The following MTR variants were observed in gnomAD, a reference collection of about 807,000 sequenced individuals.
The protein encoded by MTR is methionine synthase.
Under a neutral mutation model 154.8 loss-of-function variants are expected in MTR, and 84 were observed. That is an observed-to-expected ratio of 0.54 (90% CI 0.45 to 0.65). MTR has a LOEUF of 0.65. Ranked by LOEUF, MTR falls within the 30% of genes least tolerant of loss-of-function variation. The pLI, the probability that MTR is intolerant of heterozygous loss-of-function variation, is 0.00. For synonymous variants in MTR, 554 were observed against 553.9 expected, an observed-to-expected ratio of 1.00 and a Z score of 0.00; for missense variants, 1,275 against 1,570.2, an observed-to-expected ratio of 0.81 and a Z score of 3.18.
chr1:236,891,594 G>A (rs996081646), intron 29 of MTR, among the ~76,000 whole-genome samples: 2 of 152,162 alleles, frequency 1.3e-5, no homozygotes, highest in Non-Finnish European at 2.9e-5. Context: ...GAGGACCATT[G>A]CTGCTGTCTC....
chr1:236,886,131 C>T lies in MTR; in HGVS notation c.2776-161C>T, dbSNP rs138898322. Among the ~76,000 whole-genome samples the T allele has an allele frequency of 4.0e-3, 615 of 152,214 alleles. 9 individuals are homozygous for T. Among genetic ancestry groups the T allele is most frequent in the African/African-American group, 0.014 (595 of 41,512 alleles). Reference sequence around the variant, plus strand: ...TATTGTTCTGGTGCCAATGTGAAACCGACTGGGTAGAAAAGGAAGAGCTTT... The same window carrying T: ...TATTGTTCTGGTGCCAATGTGAAACTGACTGGGTAGAAAAGGAAGAGCTTT... On this transcript the variant is annotated intron_variant, in intron 26 of 32. Transcript: ENST00000366577.
At chr1:236,884,677 T>G (rs1665921689) in intron 25 of MTR, among the ~76,000 whole-genome samples, 2 of 152,160 alleles carry the variant, frequency 1.3e-5, no homozygotes. Context: ...CGTCCTGGGT[T>G]TTTATTGGGG....
intron 18 of MTR, among the ~76,000 whole-genome samples, chr1:236,858,849 A>G (rs1298467666): frequency 1.3e-5 from 2 of 152,100 alleles, no homozygotes; most frequent in South Asian, 2.1e-4. Context: ...GTGTGCCATG[A>G]TCATTGCGCT....
At chr1:236,893,414 G>A (rs778270933) in intron 29 of MTR, among the ~76,000 whole-genome samples, 5 of 152,176 alleles carry the variant, frequency 3.3e-5, no homozygotes, top group African/African-American at 7.2e-5. Context: ...ATATGTAGAC[G>A]CATGGGTTGT....
intron 18 of MTR, among the ~76,000 whole-genome samples, chr1:236,855,629 G>A (rs1214079440): frequency 6.6e-6 from 1 of 152,172 alleles, no homozygotes; most frequent in Non-Finnish European, 1.5e-5. Flanking sequence ...TTTCTCTGCA[G>A]CAGTTTACTC....
chr1:236,849,618 C>T (rs1003488653), intron 15 of MTR, among the ~76,000 whole-genome samples: 2 of 152,082 alleles, frequency 1.3e-5, no homozygotes, highest in South Asian at 2.1e-4. Flanking sequence ...GTAGGAGGTG[C>T]GGAGTAGAGG....
chr1:236,827,461 C>A (rs950156793), intron 11 of MTR, among the ~76,000 whole-genome samples: 1 of 152,108 alleles, frequency 6.6e-6, no homozygotes, highest in Non-Finnish European at 1.5e-5. Context: ...TTTCATCTAT[C>A]CCTCAACTTT....
At chr1:236,826,057 C>T (rs1382505347) in intron 10 of MTR, among the ~76,000 whole-genome samples, 2 of 152,178 alleles carry the variant, frequency 1.3e-5, no homozygotes, top group African/African-American at 4.8e-5. Context: ...TATGGTTAAA[C>T]TCTAGTCTCA....
Position 236,838,475 on chromosome 1 carries a change from A to G in MTR, c.1391A>G (p.Gln464Arg). The change falls in exon 15 of 33, where the codon CAA becomes CGA. Residue 464 changes from glutamine to arginine, a missense_variant. Physicochemically the swap from Gln to Arg is conservative, Grantham distance 43. Transcript: ENST00000366577. The part of the protein sequence containing the change: ...AVIEAGLKCC[Q>R]GKCIVNSISL... ...ATTGAAGCTGGGTTAAAGTGCTGCC[A>G]AGGGAAGTGCATTGTCAATAGCATT... 6.2e-7 allele frequency: 1 copy of G among 1,614,126 alleles called. No homozygotes were observed. Among genetic ancestry groups the G allele is most frequent in the Non-Finnish European group, 8.5e-7 (1 of 1,180,022 alleles).
intron 4 of MTR, among the ~76,000 whole-genome samples, chr1:236,809,885 TAAAG>T (rs1259240644): frequency 1.3e-5 from 2 of 152,220 alleles, no homozygotes; most frequent in Non-Finnish European, 2.9e-5. Context: ...GAAAAGTTAT[TAAAG>T]AAAGATTTGC....
intron 10 of MTR, 146 bp downstream of exon 10, chr1:236,825,545 T>G: frequency 1.2e-6 from 1 of 831,854 alleles, no homozygotes; most frequent in South Asian, 1.4e-5. Flanking sequence ...ATTAAGGTAC[T>G]AGAGGCACAG....
At chr1:236,854,071 A>G (rs1019025098) in intron 18 of MTR, among the ~76,000 whole-genome samples, 4 of 152,228 alleles carry the variant, frequency 2.6e-5, no homozygotes, top group Non-Finnish European at 5.9e-5. Context: ...AATGTTTTCC[A>G]TGTTAGAATC....
chr1:236,825,172 G>T (rs1447377130), intron 9 of MTR, among the ~76,000 whole-genome samples, 166 bp from the exon 10 acceptor site: 3 of 74,648 alleles, frequency 4.0e-5, no homozygotes, highest in Middle Eastern at 6.3e-3. Context: ...TTTTTGGGGG[G>T]TGTGGTATCT....
chr1:236,839,445 GAAAT>G (rs1283621220), intron 15 of MTR, among the ~76,000 whole-genome samples: 1 of 152,024 alleles, frequency 6.6e-6, no homozygotes, highest in African/African-American at 2.4e-5. Context: ...AAACATTAAA[GAAAT>G]AAAAAGTAAA....
chr1:236,804,303 C>T (rs1660853494), intron 2 of MTR, among the ~76,000 whole-genome samples: 1 of 152,194 alleles, frequency 6.6e-6, no homozygotes, highest in Non-Finnish European at 1.5e-5. Flanking sequence ...AAAAGAGGCT[C>T]AAGGGCGCTT....
chr1:236,853,149 A>G, intron 18 of MTR, 61 bp downstream of exon 18: 1 of 1,526,954 alleles, frequency 6.5e-7, no homozygotes, highest in Non-Finnish European at 9.1e-7. Context: ...TTACTCACCT[A>G]CAGTTAGTAG....
chr1:236,858,704 G>A (rs1379372009), intron 18 of MTR, among the ~76,000 whole-genome samples: 4 of 152,148 alleles, frequency 2.6e-5, no homozygotes, highest in South Asian at 2.1e-4. Flanking sequence ...GTTTTGAGGT[G>A]TAATCATTAG....
rs1666818449 is a variant in MTR at position 236,899,191 on chromosome 1, G to A, written c.*1547G>A. 6.6e-6 allele frequency: 1 copy of A among 152,166 alleles called. No homozygotes were observed. The highest frequency in any genetic ancestry group is 2.1e-4 in the South Asian group (1 of 4,820). 9.4% of individuals were successfully genotyped at this position (152,166 alleles called of 1,614,324 possible). A position where few individuals can be genotyped will look rare whatever the true frequency, so the allele number is the denominator to read the frequency against. On this transcript the variant is annotated 3_prime_UTR_variant, in exon 33 of 33. Coordinates refer to ENST00000366577, the MANE Select transcript of MTR (RefSeq NM_000254.3). Reference sequence around the variant, plus strand: ...CAACAGATTTTATTGAATGAAACAAGCAGGTGTTTATATGGAGTAGCAAAG... The same window carrying A: ...CAACAGATTTTATTGAATGAAACAAACAGGTGTTTATATGGAGTAGCAAAG...
At chr1:236,804,906 C>T (rs1349284467) in intron 2 of MTR, among the ~76,000 whole-genome samples, 1 of 151,600 alleles carries the variant, frequency 6.6e-6, no homozygotes, top group Non-Finnish European at 1.5e-5. Context: ...CTTTACGTAT[C>T]ATTCTATTTT....
Sources: gnomAD v4.1 joint callset for allele counts (sites outside exome capture counted in the v4.1 genomes callset) on GRCh38, gnomAD v4.1.1 for gene constraint, MANE v1.5 for transcripts, NCBI Gene and HGNC (gene_info 2026-07-23, HGNC 2026-07-21) for gene names.